CMIP: variants seen among roughly 807,000 people sequenced by gnomAD.
CMIP encodes the protein c-Maf inducing protein.
A neutral mutation model predicts 97.3 loss-of-function variants in CMIP; 13 were observed. The ratio of observed to expected loss-of-function variants is 0.13; its 90% CI spans 0.09 to 0.21. The LOEUF (loss-of-function observed/expected upper bound fraction) is 0.21. Among genes scored for constraint, CMIP ranks in the 10% least tolerant of loss-of-function variants. The pLI is 1.00. For missense variants in CMIP, 847 were observed against 1,024.9 expected (o/e 0.83, Z 2.37); for synonymous variants, 538 against 436.3 (o/e 1.23, Z -2.91).
intron 8 of CMIP, among the ~76,000 whole-genome samples, chr16:81,671,567 A>G (rs970883536): frequency 1.3e-5 from 2 of 152,266 alleles, no homozygotes; most frequent in African/African-American, 4.8e-5. Flanking sequence ...TGACTGTCCC[A>G]GGACGTATGG....
In CMIP at chr16:81,661,574, G is replaced by A. The variant is rs115842747; in HGVS notation, c.744+628G>A. On this transcript the variant is annotated intron_variant, in intron 6 of 20. Coordinates refer to ENST00000537098, the MANE Select transcript of CMIP (RefSeq NM_198390.3). ...TGTCATACCCCTGCTGCCCCGCTCAGCTGGTCCTCATCCCTCCCCGCTCCC... is the reference window on the plus strand; with the variant it reads ...TGTCATACCCCTGCTGCCCCGCTCAACTGGTCCTCATCCCTCCCCGCTCCC... Among the ~76,000 whole-genome samples, 866 of 152,306 alleles carry A rather than the reference G, an allele frequency of 5.7e-3. 10 individuals are homozygous for A. The highest frequency in any genetic ancestry group is 0.019 in the African/African-American group (789 of 41,570).
intron 1 of CMIP, among the ~76,000 whole-genome samples, chr16:81,524,652 C>T (rs1252155728): frequency 1.3e-5 from 2 of 152,256 alleles, no homozygotes; most frequent in Admixed American, 6.5e-5. Context: ...CACGGTGGCA[C>T]AGCTCATTAG....
At chr16:81,468,339 G>A (rs756288573) in intron 1 of CMIP, among the ~76,000 whole-genome samples, 2 of 152,262 alleles carry the variant, frequency 1.3e-5, no homozygotes, top group African/African-American at 2.4e-5. Flanking sequence ...GAAGTAGAGC[G>A]CAAACTCAGA....
chr16:81,645,807 G>A (rs2092358252), intron 3 of CMIP: 6 of 602,462 alleles, frequency 1.0e-5, no homozygotes, highest in South Asian at 7.8e-5. Context: ...CAGAGCTGCT[G>A]TTTAGCCAGG....
intron 1 of CMIP, among the ~76,000 whole-genome samples, chr16:81,525,611 G>A (rs7201098): frequency 0.053 from 8,112 of 152,238 alleles, 250 homozygotes; most frequent in Middle Eastern, 0.085. Context: ...TCAAGTAGCT[G>A]GGAGTACAGA....
chr16:81,526,356 G>T (rs1278298118), intron 1 of CMIP, among the ~76,000 whole-genome samples: 1 of 152,172 alleles, frequency 6.6e-6, no homozygotes, highest in Non-Finnish European at 1.5e-5. Context: ...ACGGCTGTAG[G>T]CAGTACCAAT....
intron 1 of CMIP, among the ~76,000 whole-genome samples, chr16:81,465,841 C>T (rs1907170427): frequency 6.6e-6 from 1 of 152,234 alleles, no homozygotes; most frequent in Non-Finnish European, 1.5e-5. Context: ...GACCTTCGCT[C>T]AGGGTCTTCT....
chr16:81,495,052 G>A (rs2089465019), intron 1 of CMIP, among the ~76,000 whole-genome samples: 1 of 152,204 alleles, frequency 6.6e-6, no homozygotes, highest in South Asian at 2.1e-4. Flanking sequence ...GGGACTGTAA[G>A]GCTTTGGGCA....
intron 1 of CMIP, among the ~76,000 whole-genome samples, chr16:81,550,899 T>C (rs1442568575): frequency 6.9e-6 from 1 of 145,564 alleles, no homozygotes; most frequent in Non-Finnish European, 1.5e-5. Flanking sequence ...CACACCCCAG[T>C]TCCGTCACAT....
intron 1 of CMIP, among the ~76,000 whole-genome samples, chr16:81,542,894 G>C (rs751551425): frequency 7.2e-5 from 11 of 152,214 alleles, no homozygotes; most frequent in Non-Finnish European, 1.3e-4. Flanking sequence ...ACAATCCATA[G>C]CACCGTCCCT....
Position 81,657,811 on chromosome 16 carries a change from A to G in CMIP, c.676A>G (p.Ile226Val). 8.1e-6 allele frequency: 13 copies of G among 1,607,102 alleles called. No homozygotes were observed. Among genetic ancestry groups the G allele is most frequent in the Non-Finnish European group, 9.3e-6 (11 of 1,176,870 alleles). The part of the protein sequence containing the change: ...NLTTQEHENI[I>V]VAIAPLLENN... ...GACCACCCAGGAGCATGAAAACATC[A>G]TTGTGGTAAGTTCCTCTCGAACACG... is the stretch of plus-strand genomic sequence containing the variant. The change falls in exon 5 of 21, where the codon ATT (isoleucine) becomes GTT (valine). Residue 226 changes from isoleucine to valine, a missense_variant. Coordinates refer to ENST00000537098, the MANE Select transcript of CMIP (RefSeq NM_198390.3).
At chr16:81,620,354 C>T (rs1292064309) in intron 2 of CMIP, 2 of 153,602 alleles carry the variant, frequency 1.3e-5, no homozygotes, top group African/African-American at 4.8e-5. Flanking sequence ...TCTGAATGCA[C>T]TTCATTGTGA....
At chr16:81,644,470 G>A (rs1597187092) in intron 3 of CMIP, among the ~76,000 whole-genome samples, 1 of 152,286 alleles carries the variant, frequency 6.6e-6, no homozygotes, top group Middle Eastern at 3.4e-3. Context: ...AAGACTTGGC[G>A]GCCAAAAGGG....
At chr16:81,464,854 T>C (rs2150741068) in intron 1 of CMIP, 1 of 152,350 alleles carries the variant, frequency 6.6e-6, no homozygotes, top group East Asian at 1.9e-4. Flanking sequence ...TGTGAGGTTT[T>C]TACGTTCCCC....
chr16:81,539,689 C>T (rs1324739771), intron 1 of CMIP, among the ~76,000 whole-genome samples: 2 of 152,190 alleles, frequency 1.3e-5, no homozygotes, highest in Non-Finnish European at 2.9e-5. Flanking sequence ...ACCTGAGGCC[C>T]GCAGTTCCTG....
At chr16:81,485,687 C>G (rs766657939) in intron 1 of CMIP, among the ~76,000 whole-genome samples, 4 of 152,186 alleles carry the variant, frequency 2.6e-5, no homozygotes, top group Non-Finnish European at 5.9e-5. Flanking sequence ...TTATAATATG[C>G]CAGATCCTTT....
chr16:81,569,329 CT>C (rs1178429072), intron 1 of CMIP, among the ~76,000 whole-genome samples: 2 of 152,236 alleles, frequency 1.3e-5, no homozygotes, highest in African/African-American at 4.8e-5. Flanking sequence ...GATGAAATGA[CT>C]TCGGCGAGGT....
intron 1 of CMIP, among the ~76,000 whole-genome samples, chr16:81,548,294 T>G (rs1336007427): frequency 2.0e-5 from 3 of 152,030 alleles, no homozygotes; most frequent in Non-Finnish European, 4.4e-5. Flanking sequence ...CCACCACTCC[T>G]GGCTAATTTT....
chr16:81,652,100 A>C lies in CMIP; in HGVS notation c.478-103A>C. On this transcript the variant is annotated intron_variant, in intron 3 of 20. Transcript: ENST00000537098. The surrounding 1 kb of genome is among the most constrained non-coding windows in gnomAD (Gnocchi z 5.2). The stretch of plus-strand genomic sequence containing the variant: ...GACTGGGCCAAGTTGTCAGTTTCTC[A>C]GGGCCCTTTACACCCTAACCCATCT... 3.5e-6 allele frequency: 3 copies of C among 864,496 alleles called. No individual in the cohort carries two copies. Among genetic ancestry groups the C allele is most frequent in the Non-Finnish European group, 3.6e-6 (2 of 553,484 alleles). The allele number at this position is 864,496 out of a possible 1,614,324, so 53.6% of individuals were successfully genotyped here. A position where few individuals can be genotyped will look rare whatever the true frequency, so the allele number is the denominator to read the frequency against.
Sources: allele counts gnomAD v4.1 joint callset (sites outside exome capture counted in the v4.1 genomes callset), GRCh38; gene constraint gnomAD v4.1.1; non-coding constraint Gnocchi (gnomAD v3.1); transcripts MANE v1.5; gene names NCBI Gene and HGNC (gene_info 2026-07-23, HGNC 2026-07-21).